CTU1: variants seen among roughly 807,000 people sequenced by gnomAD.
CTU1 encodes the protein cytoplasmic tRNA 2-thiolation protein 1.
Under a neutral mutation model 12.9 loss-of-function variants are expected in CTU1, and 15 were observed. That is an observed-to-expected ratio of 1.16 (90% CI 0.78 to 1.79). The LOEUF (loss-of-function observed/expected upper bound fraction) is 1.79. Ranked by LOEUF, CTU1 falls within the 40% of genes most tolerant of loss-of-function variation. CTU1 has a pLI of 0.00. For synonymous variants in CTU1, 295 were observed against 275.6 expected (o/e 1.07, Z -0.70); for missense variants, 553 against 550.5 (o/e 1.00, Z -0.05).
chr19:51,106,378 C>T (rs1013701344), intron 1 of CTU1, among the ~76,000 whole-genome samples: 7 of 152,180 alleles, frequency 4.6e-5, no homozygotes, highest in African/African-American at 1.7e-4. Flanking sequence ...ATCTTTCTTC[C>T]CCCGACTTTT....
Position 51,098,586 on chromosome 19 carries a change from G to A in CTU1, c.*15C>T. On this transcript the variant is annotated 3_prime_UTR_variant, in exon 3 of 3. Transcript: ENST00000421832. This position sits in a 1 kb window ranked among gnomAD's most constrained non-coding sequence, Gnocchi z 4.3. ...CACCCCGCGGCATCAGATCCCGGCG[G>A]GAGGCCCGAAGTCGCTAGAAGGTGG... is the stretch of plus-strand genomic sequence containing the variant. 7.9e-7 allele frequency: 1 copy of A among 1,261,594 alleles called. No homozygotes were observed. Among genetic ancestry groups the A allele is most frequent in the Non-Finnish European group, 1.0e-6 (1 of 1,000,904 alleles). The allele number at this position is 1,261,594 out of a possible 1,614,324, so 78.1% of individuals were successfully genotyped here. A position where few individuals can be genotyped will look rare whatever the true frequency, so the allele number is the denominator to read the frequency against.
intron 1 of CTU1, 40 bp from the exon 2 acceptor site, chr19:51,104,630 C>A: frequency 1.6e-6 from 2 of 1,214,638 alleles, no homozygotes; most frequent in South Asian, 7.9e-5. Flanking sequence ...CATATGGATT[C>A]CGGATTGCAG....
rs774962403 is a variant in CTU1 at position 51,099,045 on chromosome 19, G to A, written c.603C>T (p.Pro201=). The A allele has an allele frequency of 6.6e-7, 1 of 1,513,206 alleles. No individual in the cohort carries two copies. The highest frequency in any genetic ancestry group is 8.8e-7 in the Non-Finnish European group (1 of 1,135,170). The allele number at this position is 1,513,206 out of a possible 1,614,324, so 93.7% of individuals were successfully genotyped here. The change falls in exon 3 of 3, where the codon CCC becomes CCT. Residue 201 remains proline, a synonymous_variant. Transcript: ENST00000421832. The part of the protein sequence containing the change: ...RLARGGGLGS[P]GEGGALPRCR... ...AGCGCGGCAGGGCGCCCCCCTCGCCGGGAGAGCCCAGGCCCCCGCCCCGGG... is the reference window on the plus strand; with the variant it reads ...AGCGCGGCAGGGCGCCCCCCTCGCCAGGAGAGCCCAGGCCCCCGCCCCGGG...
chr19:51,101,741 T>A (rs2122792655), intron 2 of CTU1, among the ~76,000 whole-genome samples: 1 of 152,378 alleles, frequency 6.6e-6, no homozygotes, highest in South Asian at 2.1e-4. Context: ...GAATGTTTAT[T>A]GACTTAAAGT....
At chr19:51,099,195 G>T in intron 2 of CTU1, 56 bp from the exon 3 acceptor site, 1 of 1,481,244 alleles carries the variant, frequency 6.8e-7, no homozygotes, top group Admixed American at 2.0e-5. Flanking sequence ...CTGCTGGCCA[G>T]GGAGCCCCCC....
intron 2 of CTU1, among the ~76,000 whole-genome samples, chr19:51,099,722 G>C (rs887467050): frequency 2.6e-5 from 4 of 152,176 alleles, no homozygotes; most frequent in African/African-American, 4.8e-5. Context: ...GCATTTAACC[G>C]AGATTCTCAG....
In CTU1 at chr19:51,098,112, A is replaced by T. The variant is rs541909341; in HGVS notation, c.*489T>A. On this transcript the variant is annotated 3_prime_UTR_variant, in exon 3 of 3. Transcript: ENST00000421832. The surrounding 1 kb of genome is among the most constrained non-coding windows in gnomAD (Gnocchi z 4.3). Reference sequence around the variant, plus strand: ...CGCTCCGCTTACCCCACTGCGGGCAAACAGGAAACATCAGGAATCTGATGC... The same window carrying T: ...CGCTCCGCTTACCCCACTGCGGGCATACAGGAAACATCAGGAATCTGATGC... The T allele has an allele frequency of 3.9e-5, 6 of 152,396 alleles. No homozygotes were observed. In the East Asian group the frequency reaches 1.2e-3, roughly 29 times the overall value. The allele number at this position is 152,396 out of a possible 1,614,324, so 9.4% of individuals were successfully genotyped here.
chr19:51,105,509 A>G (rs2091918527), intron 1 of CTU1, among the ~76,000 whole-genome samples: 1 of 152,108 alleles, frequency 6.6e-6, no homozygotes, highest in Non-Finnish European at 1.5e-5. Context: ...CTCCTCCCCA[A>G]GCCACCATCA....
At chr19:51,107,356 C>G (rs759268029) in intron 1 of CTU1, among the ~76,000 whole-genome samples, 10 of 152,124 alleles carry the variant, frequency 6.6e-5, no homozygotes, top group Non-Finnish European at 1.5e-4. Flanking sequence ...ACCAGCTACT[C>G]AGGAAGCCAA....
chr19:51,104,249 C>T lies in CTU1; in HGVS notation c.321G>A (p.Ala107=). 1 of 1,506,354 alleles carries T rather than the reference C, an allele frequency of 6.6e-7. No individual in the cohort carries two copies. The highest frequency in any genetic ancestry group is 8.8e-7 in the Non-Finnish European group (1 of 1,133,678). The allele number at this position is 1,506,354 out of a possible 1,614,324, so 93.3% of individuals were successfully genotyped here. ...CGACCGTGAGCGGCAGCTCCCAGCGCGCCGCCTGGCGCCGCACGGCCGCCA... is the reference window on the plus strand; with the variant it reads ...CGACCGTGAGCGGCAGCTCCCAGCGTGCCGCCTGGCGCCGCACGGCCGCCA... The part of the protein sequence containing the change: ...AALAAVRRQA[A]RWELPLTVVA... Residue 107 remains alanine (A), a synonymous_variant, in exon 2 of 3, where the codon GCG becomes GCA. Coordinates refer to ENST00000421832, the MANE Select transcript of CTU1 (RefSeq NM_145232.4).
chr19:51,098,852 G>A lies in CTU1; in HGVS notation c.796C>T (p.Leu266Phe), dbSNP rs1424623083. ...EAARPSAVLD[L>F]VHSAERLALA... ...GCCAGGCGCTCGGCCGAGTGCACGA[G>A]GTCCAGCACCGCGGACGGCCGCGCC... Residue 266 changes from leucine to phenylalanine, a missense_variant, in exon 3 of 3, where the codon CTC (leucine) becomes TTC (phenylalanine). By Grantham distance (22) the Leu-to-Phe change is conservative (BLOSUM62 0). This residue lies in a region of CTU1 where 500 missense variants were observed against 458.5 expected (regional missense o/e 1.09). Coordinates refer to ENST00000421832, the MANE Select transcript of CTU1 (RefSeq NM_145232.4). The surrounding 1 kb of genome is among the most constrained non-coding windows in gnomAD (Gnocchi z 4.3). The A allele has an allele frequency of 1.1e-5, 14 of 1,297,394 alleles. No individual in the cohort carries two copies. The East Asian group carries it at 4.8e-4, about 44-fold the overall frequency. 80.4% of individuals were successfully genotyped at this position (1,297,394 alleles called of 1,614,324 possible). A position where few individuals can be genotyped will look rare whatever the true frequency, so the allele number is the denominator to read the frequency against.
chr19:51,104,509 A>G lies in CTU1; in HGVS notation c.61T>C (p.Ser21Pro). The change falls in exon 2 of 3, where the codon TCG (serine) becomes CCG (proline). Residue 21 changes from serine to proline, a missense_variant. Physicochemically the swap from Ser to Pro is moderately conservative, Grantham distance 74. Coordinates refer to ENST00000421832, the MANE Select transcript of CTU1 (RefSeq NM_145232.4). ...CAGGCACCGCACAGCGCTTGGCCCG[A>G]GAGCGGACGGCGGAGGGCGGCGCGT... is the stretch of plus-strand genomic sequence containing the variant. ...AARAALRRPL[S>P]GQALCGACFC... 7.8e-7 allele frequency: 1 copy of G among 1,282,888 alleles called. No homozygotes were observed. Among genetic ancestry groups the G allele is most frequent in the Non-Finnish European group, 9.8e-7 (1 of 1,016,890 alleles). The allele number at this position is 1,282,888 out of a possible 1,614,324, so 79.5% of individuals were successfully genotyped here. A position where few individuals can be genotyped will look rare whatever the true frequency, so the allele number is the denominator to read the frequency against.
chr19:51,097,688 G>GGGGGGGAT lies in CTU1; in HGVS notation c.*912_*913insATCCCCCC, dbSNP rs2091893450. On this transcript the variant is annotated 3_prime_UTR_variant, in exon 3 of 3. Coordinates refer to ENST00000421832, the MANE Select transcript of CTU1 (RefSeq NM_145232.4). ...AGTGGTGCCTTGATGCGGGGGGGAT[G>GGGGGGGAT]GGGGGGCGGGGGGGAAGGGGGCTGA... 1.1e-5 allele frequency: 1 copy of GGGGGGGAT among 90,934 alleles called. No homozygotes were observed. The allele number at this position is 90,934 out of a possible 1,614,324, so 5.6% of individuals were successfully genotyped here. A position where few individuals can be genotyped will look rare whatever the true frequency, so the allele number is the denominator to read the frequency against.
In CTU1 at chr19:51,104,186, G is replaced by A. The variant is rs2091913952; in HGVS notation, c.384C>T (p.Asp128=). 1 of 1,522,340 alleles carries A rather than the reference G, an allele frequency of 6.6e-7. No homozygotes were observed. The highest frequency in any genetic ancestry group is 8.8e-7 in the Non-Finnish European group (1 of 1,141,116). The allele number at this position is 1,522,340 out of a possible 1,614,324, so 94.3% of individuals were successfully genotyped here. A position where few individuals can be genotyped will look rare whatever the true frequency, so the allele number is the denominator to read the frequency against. Residue 128 remains aspartate, a synonymous_variant, in exon 2 of 3, where the codon GAC becomes GAT. Coordinates refer to ENST00000421832, the MANE Select transcript of CTU1 (RefSeq NM_145232.4). Reference sequence around the variant, plus strand: ...AGCCGGCTGTGCTGCGGGCCACGGCGTCCATCGTCCAGCCCCCAAAGAGGT... The same window carrying A: ...AGCCGGCTGTGCTGCGGGCCACGGCATCCATCGTCCAGCCCCCAAAGAGGT... ...YEDLFGGWTM[D]AVARSTAGSG...
chr19:51,103,319 TAAA>T (rs942372834), intron 2 of CTU1, among the ~76,000 whole-genome samples: 13 of 152,012 alleles, frequency 8.6e-5, no homozygotes, highest in African/African-American at 2.4e-4. Context: ...AAAGACAGAA[TAAA>T]AAAGTTATCT....
chr19:51,103,820 T>A (rs1159902932), intron 2 of CTU1, among the ~76,000 whole-genome samples: 1 of 152,094 alleles, frequency 6.6e-6, no homozygotes, highest in Non-Finnish European at 1.5e-5. Flanking sequence ...CCAAAAACCT[T>A]TGTGATCACT....
Position 51,104,052 on chromosome 19 carries a change from C to A in CTU1, c.508+10G>T. On this transcript the variant is annotated intron_variant, in intron 2 of 2. Transcript: ENST00000421832. ...GGAGAGTGCCGCTCTGCGGCCCGTA[C>A]TACGCTCACCTGTCACGATGTGCGT... The A allele has an allele frequency of 1.4e-6, 2 of 1,443,564 alleles. No individual in the cohort carries two copies. The highest frequency in any genetic ancestry group is 1.8e-6 in the Non-Finnish European group (2 of 1,110,548). 89.4% of individuals were successfully genotyped at this position (1,443,564 alleles called of 1,614,324 possible).
At position 51,104,108 on chromosome 19, in the gene CTU1, C is replaced by T. The variant is rs1311329693; in HGVS notation, c.462G>A (p.Ala154=). The T allele has an allele frequency of 6.8e-7, 1 of 1,475,476 alleles. No individual in the cohort carries two copies. 91.4% of individuals were successfully genotyped at this position (1,475,476 alleles called of 1,614,324 possible). ...CTFCGVLRRR[A]LEEGARRVGA... ...CCACGCGGCGCGCCCCTTCCTCCAG[C>T]GCCCGGCGCCGCAGCACTCCACAGA... The change falls in exon 2 of 3, where the codon GCG becomes GCA. Residue 154 remains alanine (A), a synonymous_variant. Coordinates refer to ENST00000421832, the MANE Select transcript of CTU1 (RefSeq NM_145232.4).
In CTU1 at chr19:51,108,006, G is replaced by A. The variant is rs2569433; in HGVS notation, c.-22+341C>T. On this transcript the variant is annotated intron_variant, in intron 1 of 2. Transcript: ENST00000421832. The surrounding 1 kb of genome is among the most constrained non-coding windows in gnomAD (Gnocchi z 4.5). Reference sequence around the variant, plus strand: ...TATCTGTAGGATGAGGGAATAATAAGTGCTCCCAGAAGAGAGGCCGCGGAC... The same window carrying A: ...TATCTGTAGGATGAGGGAATAATAAATGCTCCCAGAAGAGAGGCCGCGGAC... 0.35 allele frequency among the ~76,000 whole-genome samples: 53,837 copies of A among 151,916 alleles called. 13,972 individuals carry two copies. The highest frequency in any genetic ancestry group is 0.72 in the African/African-American group (29,863 of 41,386).
Sources: allele counts gnomAD v4.1 joint callset (sites outside exome capture counted in the v4.1 genomes callset), GRCh38; gene constraint gnomAD v4.1.1; regional missense constraint gnomAD v4.1.1; non-coding constraint Gnocchi (gnomAD v3.1); transcripts MANE v1.5; gene names NCBI Gene and HGNC (gene_info 2026-07-23, HGNC 2026-07-21).